ZMAT4: variants seen among roughly 807,000 people sequenced by gnomAD.
The protein encoded by ZMAT4 is zinc finger matrin-type 4, also known as zinc finger matrin-type protein 4.
ZMAT4 carries 17 observed loss-of-function variants against 28.7 expected under a neutral mutation model. The ratio of observed to expected loss-of-function variants is 0.59; its 90% CI spans 0.41 to 0.89. The LOEUF (loss-of-function observed/expected upper bound fraction) is 0.89, where lower values mean the gene tolerates loss of function less well. Among genes scored for constraint, ZMAT4 ranks in the 40% least tolerant of loss-of-function variants. The pLI is 0.00. For missense variants in ZMAT4, 240 were observed against 283.8 expected (o/e 0.85, Z 1.11); for synonymous variants, 117 against 109.2 (o/e 1.07, Z -0.44).
intron 6 of ZMAT4, among the ~76,000 whole-genome samples, chr8:40,539,438 C>A (rs1033370867): frequency 2.0e-5 from 3 of 152,172 alleles, no homozygotes; most frequent in Non-Finnish European, 4.4e-5. Flanking sequence ...TATCTCTATT[C>A]TTATCTCCTC....
chr8:40,543,985 A>G (rs576610081), intron 6 of ZMAT4, among the ~76,000 whole-genome samples: 1 of 152,296 alleles, frequency 6.6e-6, no homozygotes. Flanking sequence ...ATTTCACCCT[A>G]TGCAGTCAAA....
chr8:40,564,300 A>G (rs956177171), intron 6 of ZMAT4, among the ~76,000 whole-genome samples: 4 of 152,098 alleles, frequency 2.6e-5, no homozygotes, highest in Non-Finnish European at 5.9e-5. Flanking sequence ...ATAAGTCGAG[A>G]GTATATTGAA....
At chr8:40,860,153 A>G (rs1006343612) in intron 1 of ZMAT4, among the ~76,000 whole-genome samples, 1 of 152,212 alleles carries the variant, frequency 6.6e-6, no homozygotes, top group African/African-American at 2.4e-5. Flanking sequence ...GTCAGCGTTC[A>G]GTAATGACAC....
intron 2 of ZMAT4, among the ~76,000 whole-genome samples, chr8:40,770,492 C>T (rs1813343126): frequency 6.6e-6 from 1 of 151,298 alleles, no homozygotes; most frequent in South Asian, 2.1e-4. Context: ...CTTCCTTCCT[C>T]CCTCCCTCCT....
chr8:40,842,604 T>C (rs1816741483), intron 1 of ZMAT4, among the ~76,000 whole-genome samples: 1 of 152,102 alleles, frequency 6.6e-6, no homozygotes, highest in Non-Finnish European at 1.5e-5. Flanking sequence ...AAGCAGTGAT[T>C]TACAAGTCAT....
chr8:40,732,865 G>C (rs1241881867), intron 3 of ZMAT4, among the ~76,000 whole-genome samples: 1 of 68,844 alleles, frequency 1.5e-5, no homozygotes, highest in African/African-American at 5.6e-5. Flanking sequence ...TTTTTTTTGA[G>C]TTGGGGGTTT....
chr8:40,579,696 A>T (rs1312091487), intron 6 of ZMAT4, among the ~76,000 whole-genome samples: 1 of 152,194 alleles, frequency 6.6e-6, no homozygotes, highest in Non-Finnish European at 1.5e-5. Context: ...GCTCCATTTC[A>T]TACTCCTGCT....
intron 1 of ZMAT4, among the ~76,000 whole-genome samples, chr8:40,886,478 C>T (rs1818455241): frequency 6.6e-6 from 1 of 152,168 alleles, no homozygotes; most frequent in Admixed American, 6.5e-5. Context: ...GAGTCGCCCA[C>T]TCAGGACAAG....
At chr8:40,620,817 T>G (rs1336118417) in intron 5 of ZMAT4, among the ~76,000 whole-genome samples, 1 of 152,162 alleles carries the variant, frequency 6.6e-6, no homozygotes, top group African/African-American at 2.4e-5. Flanking sequence ...TGAAGATCTG[T>G]TTATATTTTA....
At chr8:40,700,053 T>A (rs1474574853) in intron 3 of ZMAT4, among the ~76,000 whole-genome samples, 1 of 152,212 alleles carries the variant, frequency 6.6e-6, no homozygotes, top group Non-Finnish European at 1.5e-5. Context: ...ACTTATGGTA[T>A]GTATTTACCC....
chr8:40,647,092 C>G lies in ZMAT4; in HGVS notation c.577+27612G>C, dbSNP rs141505906. Among the ~76,000 whole-genome samples the G allele has an allele frequency of 6.6e-3, 1,004 of 152,264 alleles. 18 individuals are homozygous for G. Among genetic ancestry groups the G allele is most frequent in the African/African-American group, 0.023 (935 of 41,554 alleles). On this transcript the variant is annotated intron_variant, in intron 5 of 6. Coordinates refer to ENST00000297737, the MANE Select transcript of ZMAT4 (RefSeq NM_024645.3). ...AGGAGCCAAGATGGCCTAATAGGAACAGCTCCGGTCTACAGCTCCCAGCGT... is the reference window on the plus strand; with the variant it reads ...AGGAGCCAAGATGGCCTAATAGGAAGAGCTCCGGTCTACAGCTCCCAGCGT...
chr8:40,883,481 G>C, intron 1 of ZMAT4, among the ~76,000 whole-genome samples: 1 of 152,116 alleles, frequency 6.6e-6, no homozygotes, highest in East Asian at 1.9e-4. Flanking sequence ...ATGTCTGAGA[G>C]GAAGACAGCA....
chr8:40,659,091 A>T (rs1322002535), intron 5 of ZMAT4, among the ~76,000 whole-genome samples: 1 of 152,182 alleles, frequency 6.6e-6, no homozygotes, highest in African/African-American at 2.4e-5. Context: ...TATGAGTGAC[A>T]ATTAGAAACA....
At chr8:40,809,145 C>A (rs1171020549) in intron 2 of ZMAT4, among the ~76,000 whole-genome samples, 2 of 152,180 alleles carry the variant, frequency 1.3e-5, no homozygotes, top group Non-Finnish European at 2.9e-5. Context: ...AAATTGTGTC[C>A]TTTGCAGAAA....
chr8:40,560,713 A>T (rs1803708769), intron 6 of ZMAT4, among the ~76,000 whole-genome samples: 1 of 152,142 alleles, frequency 6.6e-6, no homozygotes, highest in Non-Finnish European at 1.5e-5. Flanking sequence ...ACACTATTTC[A>T]CAAACTCAAT....
At position 40,846,412 on chromosome 8, in the gene ZMAT4, G is replaced by A. The variant is rs573624842; in HGVS notation, c.-4-20732C>T. On this transcript the variant is annotated intron_variant, in intron 1 of 6. Transcript: ENST00000297737. ...GGCTGGGACAGCAGAGCTCTGGTCC[G>A]CAGAGGGAGAGGGTGTCCTGGGCAA... is the stretch of plus-strand genomic sequence containing the variant. Among the ~76,000 whole-genome samples, 19 of 152,322 alleles carry A rather than the reference G, an allele frequency of 1.2e-4. No homozygotes were observed. In the East Asian group the frequency reaches 2.3e-3, roughly 19 times the overall value.
rs57458575 is a variant in ZMAT4, at chr8:40,833,540, C to CAAAAAAAAAA, written c.-4-7870_-4-7861dup. Among the ~76,000 whole-genome samples the CAAAAAAAAAA allele has an allele frequency of 1.9e-3, 163 of 87,044 alleles. 6 individuals carry two copies. The highest frequency in any genetic ancestry group is 2.6e-3 in the African/African-American group (63 of 24,082). The allele number at this position is 87,044 out of a possible 152,430, so 57.1% of individuals were successfully genotyped here. ...CCGAGATCATACCACTACACTCCAG[C>CAAAAAAAAAA]AAAAAAAAAAAAAAAAAAGACATGA... On this transcript the variant is annotated intron_variant, in intron 1 of 6. Transcript: ENST00000297737.
chr8:40,782,219 C>G (rs1267219004), intron 2 of ZMAT4, among the ~76,000 whole-genome samples: 1 of 152,052 alleles, frequency 6.6e-6, no homozygotes, highest in East Asian at 1.9e-4. Context: ...AACCCCGCCT[C>G]TACTAAAAAG....
intron 5 of ZMAT4, among the ~76,000 whole-genome samples, chr8:40,629,181 C>T (rs1290803734): frequency 2.0e-5 from 3 of 151,248 alleles, no homozygotes; most frequent in Admixed American, 1.3e-4. Flanking sequence ...TAAGATAGTC[C>T]CTTACATGTA....
Sources: allele counts gnomAD v4.1 joint callset (sites outside exome capture counted in the v4.1 genomes callset), GRCh38; gene constraint gnomAD v4.1.1; transcripts MANE v1.5; gene names NCBI Gene and HGNC (gene_info 2026-07-23, HGNC 2026-07-21).